Variants in GRK3 observed in about 807,000 individuals in gnomAD.
GRK3 encodes adrenergic, beta, receptor kinase 2.
In GRK3, 54 loss-of-function variants were observed where a neutral mutation model predicts 95.7. That is an observed-to-expected ratio of 0.56 (90% confidence interval 0.45 to 0.71). The LOEUF (loss-of-function observed/expected upper bound fraction) is 0.71. Among genes scored for constraint, GRK3 ranks in the 30% least tolerant of loss-of-function variants. GRK3 has a pLI of 0.00. For missense variants in GRK3, 649 were observed against 851.2 expected, an observed-to-expected ratio of 0.76 and a Z score of 2.96; for synonymous variants, 281 against 290.8, an observed-to-expected ratio of 0.97 and a Z score of 0.34.
At chr22:25,616,668 G>C (rs2084541581) in intron 2 of GRK3, among the ~76,000 whole-genome samples, 1 of 152,212 alleles carries the variant, frequency 6.6e-6, no homozygotes, top group African/African-American at 2.4e-5. Flanking sequence ...CGTGGAAGTA[G>C]AGAGAAGTCA....
chr22:25,588,771 T>C (rs1481113026), intron 1 of GRK3, among the ~76,000 whole-genome samples: 2 of 150,056 alleles, frequency 1.3e-5, no homozygotes, highest in Admixed American at 6.7e-5. Flanking sequence ...TTATAGTTCA[T>C]TAATTTTTTT....
At chr22:25,627,642 C>G (rs546503359) in intron 2 of GRK3, among the ~76,000 whole-genome samples, 36 of 152,318 alleles carry the variant, frequency 2.4e-4, no homozygotes, top group Middle Eastern at 3.4e-3. Context: ...AAGTACTAGC[C>G]ATTGTGCTAG....
chr22:25,687,363 T>C (rs1400380124), intron 10 of GRK3, among the ~76,000 whole-genome samples, 174 bp from the exon 11 acceptor site: 1 of 152,150 alleles, frequency 6.6e-6, no homozygotes, highest in African/African-American at 2.4e-5. Context: ...AATGTTTAAG[T>C]TTTCTCTATA....
chr22:25,660,004 A>G (rs948198138), intron 3 of GRK3, among the ~76,000 whole-genome samples: 1 of 152,190 alleles, frequency 6.6e-6, no homozygotes, highest in African/African-American at 2.4e-5. Context: ...CATTCCATGA[A>G]GTCTTATTAT....
In GRK3 at chr22:25,663,638, A is replaced by C. The variant is rs770705622; in HGVS notation, c.375A>C (p.Ser125=). 1 of 1,604,958 alleles carries C rather than the reference A, an allele frequency of 6.2e-7. No individual in the cohort carries two copies. Among genetic ancestry groups the C allele is most frequent in the South Asian group, 1.1e-5 (1 of 88,448 alleles). Reference sequence around the variant, plus strand: ...ATTTTTGACTTTGATAGCCTTTCTCAAAGCAAGCTGTAGAACACGTACAAA... The same window carrying C: ...ATTTTTGACTTTGATAGCCTTTCTCCAAGCAAGCTGTAGAACACGTACAAA... ...KELLSCSHPF[S]KQAVEHVQSH... The change falls in exon 5 of 21, where the codon TCA becomes TCC. Residue 125 remains serine (S), a synonymous_variant. Transcript: ENST00000324198.
intron 1 of GRK3, among the ~76,000 whole-genome samples, chr22:25,596,494 A>G (rs1302890677): frequency 2.0e-5 from 3 of 152,236 alleles, no homozygotes; most frequent in African/African-American, 4.8e-5. Context: ...ATGTTAATAA[A>G]TTAGCAATTT....
chr22:25,670,656 C>G (rs950063020), intron 6 of GRK3, among the ~76,000 whole-genome samples: 2 of 152,034 alleles, frequency 1.3e-5, no homozygotes, highest in Non-Finnish European at 2.9e-5. Flanking sequence ...AATCCTGTGT[C>G]TGTGTAAGGA....
intron 11 of GRK3, among the ~76,000 whole-genome samples, chr22:25,688,012 G>T (rs377583777): frequency 5.3e-5 from 8 of 152,114 alleles, no homozygotes; most frequent in South Asian, 2.1e-4. Context: ...CAAGGAGGGC[G>T]GATCACAAGG....
chr22:25,632,775 C>T (rs2084672881), intron 2 of GRK3, among the ~76,000 whole-genome samples: 1 of 152,180 alleles, frequency 6.6e-6, no homozygotes, highest in African/African-American at 2.4e-5. Context: ...ATCATCCTTG[C>T]ACCTTGGTGA....
chr22:25,653,708 T>G (rs1205135022), intron 3 of GRK3, among the ~76,000 whole-genome samples: 1 of 152,212 alleles, frequency 6.6e-6, no homozygotes, highest in African/African-American at 2.4e-5. Flanking sequence ...CATTCTTTTT[T>G]TTTGAGATGG....
intron 12 of GRK3, among the ~76,000 whole-genome samples, chr22:25,690,582 C>G (rs2085157499): frequency 1.3e-5 from 2 of 152,138 alleles, no homozygotes; most frequent in South Asian, 4.1e-4. Context: ...AAAAGTCAGT[C>G]AGTTACTTAG....
Position 25,649,280 on chromosome 22 carries a change from G to T in GRK3, c.264+4615G>T, listed in dbSNP as rs1238923032. ...ATGCTCACATCTGCCAAAATGTGAA[G>T]AACCTGTATAGAATTTCTACAGGGA... On this transcript the variant is annotated intron_variant, in intron 3 of 20. Coordinates refer to ENST00000324198, the MANE Select transcript of GRK3 (RefSeq NM_005160.4). 5.5e-6 allele frequency: 5 copies of T among 916,076 alleles called. No homozygotes were observed. In the Admixed American group the frequency reaches 9.0e-5, roughly 17 times the overall value. 56.7% of individuals were successfully genotyped at this position (916,076 alleles called of 1,614,324 possible).
chr22:25,700,420 G>A (rs1362415706), intron 13 of GRK3, among the ~76,000 whole-genome samples: 1 of 152,206 alleles, frequency 6.6e-6, no homozygotes, highest in Non-Finnish European at 1.5e-5. Context: ...TCCCCGTGGA[G>A]TTGTCAGACA....
At chr22:25,719,373 C>T (rs530252787) in intron 19 of GRK3, among the ~76,000 whole-genome samples, 11 of 152,236 alleles carry the variant, frequency 7.2e-5, no homozygotes, top group East Asian at 1.9e-4. Context: ...CTCCATTGTA[C>T]GGCCTCTCCT....
rs1013358984 is a variant in GRK3 at position 25,728,433 on chromosome 22, T to TAAAGCC, written c.*5985_*5990dup. The TAAAGCC allele has an allele frequency of 3.0e-4, 45 of 152,356 alleles. No individual in the cohort carries two copies. Among genetic ancestry groups the TAAAGCC allele is most frequent in the African/African-American group, 1.1e-3 (44 of 41,574 alleles). 9.4% of individuals were successfully genotyped at this position (152,356 alleles called of 1,614,324 possible). On this transcript the variant is annotated 3_prime_UTR_variant, in exon 21 of 21. Coordinates refer to ENST00000324198, the MANE Select transcript of GRK3 (RefSeq NM_005160.4). ...TTCCCTCAGAACCTAGGTTTGTTTC[T>TAAAGCC]AAAGCCACGGTATTGTCCAGGAGCC...
intron 1 of GRK3, among the ~76,000 whole-genome samples, chr22:25,586,341 T>C (rs1188348378): frequency 7.2e-5 from 11 of 152,280 alleles, no homozygotes; most frequent in African/African-American, 2.7e-4. Context: ...AATAACTTAA[T>C]TGTACATTTT....
chr22:25,589,034 G>C (rs1411770784), intron 1 of GRK3, among the ~76,000 whole-genome samples: 1 of 152,074 alleles, frequency 6.6e-6, no homozygotes, highest in Non-Finnish European at 1.5e-5. Context: ...GCCTCCCGAA[G>C]AGCTGAGATT....
At chr22:25,582,074 C>T (rs1932118791) in intron 1 of GRK3, among the ~76,000 whole-genome samples, 2 of 152,182 alleles carry the variant, frequency 1.3e-5, no homozygotes, top group East Asian at 1.9e-4. Flanking sequence ...GTCAGGAGTT[C>T]GAGACCAGCC....
chr22:25,624,335 G>A (rs112879746), intron 2 of GRK3, among the ~76,000 whole-genome samples: 3,960 of 151,994 alleles, frequency 0.026, 57 homozygotes, highest in African/African-American at 0.039. Flanking sequence ...AGGCCGAGGC[G>A]GGCGGATCAC....
Sources: allele counts gnomAD v4.1 joint callset (sites outside exome capture counted in the v4.1 genomes callset), GRCh38; gene constraint gnomAD v4.1.1; transcripts MANE v1.5; gene names NCBI Gene and HGNC (gene_info 2026-07-23, HGNC 2026-07-21).